Variants in B4GALNT3 observed in about 807,000 individuals in gnomAD.
The protein encoded by B4GALNT3 is beta-1,4-N-acetyl-galactosaminyltransferase 3, also known as beta-1,4-N-acetylgalactosaminyltransferase 3.
A neutral mutation model predicts 120.2 loss-of-function variants in B4GALNT3; 86 were observed. The ratio of observed to expected loss-of-function variants is 0.72; its 90% CI spans 0.60 to 0.86. B4GALNT3 has a LOEUF of 0.86. Among genes scored for constraint, B4GALNT3 ranks in the 40% least tolerant of loss-of-function variants. The pLI is 0.00. For missense variants in B4GALNT3, 1,167 were observed against 1,298.9 expected, an observed-to-expected ratio of 0.90 and a Z score of 1.56; for synonymous variants, 518 against 510.4, an observed-to-expected ratio of 1.01 and a Z score of -0.20.
At chr12:481,079 C>T (rs909066465) in intron 1 of B4GALNT3, among the ~76,000 whole-genome samples, 3 of 152,188 alleles carry the variant, frequency 2.0e-5, no homozygotes, top group East Asian at 1.9e-4. Context: ...GACCATCAGA[C>T]GCTGAGGGAA....
intron 7 of B4GALNT3, 155 bp downstream of exon 7, chr12:546,868 G>A (rs764520576): frequency 7.8e-4 from 538 of 691,768 alleles, no homozygotes; most frequent in Non-Finnish European, 1.1e-3. Context: ...CAGAAGCCGC[G>A]AGCCCATCCG....
chr12:556,675 C>G lies in B4GALNT3; in HGVS notation c.2189C>G (p.Ser730Cys). ...QRVVRLSEYV[S>C]ARGWQGIDPA... ...GTGGTGCGGCTCTCGGAGTATGTGT[C>G]TGCACGAGGCTGGCAGGGCATCGAT... The change falls in exon 15 of 20, where the codon TCT becomes TGT. Residue 730 changes from serine (S) to cysteine (C), a missense_variant. Physicochemically the swap from Ser to Cys is moderately radical, Grantham distance 112. Transcript: ENST00000266383. 1 of 1,613,976 alleles carries G rather than the reference C, an allele frequency of 6.2e-7. No individual in the cohort carries two copies. Among genetic ancestry groups the G allele is most frequent in the East Asian group, 2.2e-5 (1 of 44,892 alleles).
At chr12:489,634 AAAGC>A (rs1252195473) in intron 1 of B4GALNT3, among the ~76,000 whole-genome samples, 3 of 152,246 alleles carry the variant, frequency 2.0e-5, no homozygotes, top group Non-Finnish European at 4.4e-5. Flanking sequence ...TAATAAAAAG[AAAGC>A]GGAAGAATAG....
chr12:562,952 G>A lies in B4GALNT3; in HGVS notation c.*1501G>A, dbSNP rs61916657. On this transcript the variant is annotated 3_prime_UTR_variant, in exon 20 of 20. Coordinates refer to ENST00000266383, the MANE Select transcript of B4GALNT3 (RefSeq NM_173593.4). This position sits in a 1 kb window ranked among gnomAD's most constrained non-coding sequence, Gnocchi z 5.2. ...CCACGGCACTGGAGCTGCAGGGTCT[G>A]CCTAGTGGGCTCTGCATTCCCCGAG... The A allele has an allele frequency of 0.23, 34,752 of 152,176 alleles. 4,747 individuals carry two copies. The highest frequency in any genetic ancestry group is 0.31 in the Non-Finnish European group (21,283 of 67,996). The allele number at this position is 152,176 out of a possible 1,614,324, so 9.4% of individuals were successfully genotyped here.
At chr12:553,004 G>C (rs565110250) in intron 13 of B4GALNT3, 190 bp from the exon 14 acceptor site, 1 of 738,480 alleles carries the variant, frequency 1.4e-6, no homozygotes, top group Non-Finnish European at 2.2e-6. Flanking sequence ...CCTTTATGCA[G>C]ATGAAGAAAC....
At position 557,628 on chromosome 12, in the gene B4GALNT3, G is replaced by A. The variant is rs750066028; in HGVS notation, c.2401G>A (p.Val801Ile). 2 of 1,611,342 alleles carry A rather than the reference G, an allele frequency of 1.2e-6. No homozygotes were observed. The highest frequency in any genetic ancestry group is 2.2e-5 in the South Asian group (2 of 90,704). The part of the protein sequence containing the change: ...VVPVKNQARW[V>I]QQFIKDMENL... ...GGTAGTGAAGAACCAGGCACGCTGG[G>A]TACAGCAATTCATCAAAGACATGGA... Residue 801 changes from valine (V) to isoleucine (I), a missense_variant, in exon 16 of 20, where the codon GTA (valine) becomes ATA (isoleucine). Val to Ile is a conservative substitution (Grantham distance 29). This residue lies in a region of B4GALNT3 where 983 missense variants were observed against 1,102.5 expected (regional missense o/e 0.89). Transcript: ENST00000266383.
intron 1 of B4GALNT3, among the ~76,000 whole-genome samples, chr12:517,241 G>A (rs772955549): frequency 3.3e-5 from 5 of 152,142 alleles, no homozygotes; most frequent in Admixed American, 2.0e-4. Context: ...GACAAATATC[G>A]GGGACTGACC....
intron 1 of B4GALNT3, among the ~76,000 whole-genome samples, chr12:481,130 A>T (rs747156838): frequency 1.4e-4 from 21 of 152,060 alleles, no homozygotes; most frequent in Non-Finnish European, 2.1e-4. Context: ...TGCCTCAGGG[A>T]GGGAGGGAGC....
At chr12:516,692 T>A (rs1946660073) in intron 1 of B4GALNT3, among the ~76,000 whole-genome samples, 1 of 152,080 alleles carries the variant, frequency 6.6e-6, no homozygotes, top group Non-Finnish European at 1.5e-5. Flanking sequence ...GATCTTGGAT[T>A]GTATTTGAGT....
At position 558,667 on chromosome 12, in the gene B4GALNT3, C is replaced by T. The variant is rs765378454; in HGVS notation, c.2761+6C>T. ...CACCCCCCAGTGGCCTGAGGGTGAG[C>T]CCTGCTCAGACTGGGGAGGGAGGAA... On this transcript the variant is annotated splice_donor_region_variant and intron_variant, in intron 18 of 19. Coordinates refer to ENST00000266383, the MANE Select transcript of B4GALNT3 (RefSeq NM_173593.4). The T allele has an allele frequency of 2.5e-6, 4 of 1,613,472 alleles. No homozygotes were observed. The highest frequency in any genetic ancestry group is 1.1e-5 in the South Asian group (1 of 91,066).
intron 1 of B4GALNT3, among the ~76,000 whole-genome samples, chr12:485,114 G>A (rs1409009724): frequency 2.6e-5 from 4 of 152,214 alleles, no homozygotes; most frequent in African/African-American, 9.7e-5. Context: ...GGAAGACGTG[G>A]TGTTGGAGGT....
At chr12:493,799 T>C (rs945772517) in intron 1 of B4GALNT3, among the ~76,000 whole-genome samples, 3 of 152,100 alleles carry the variant, frequency 2.0e-5, no homozygotes, top group Non-Finnish European at 4.4e-5. Context: ...TTAAAAAAAA[T>C]GAAAAGTAAC....
Position 557,781 on chromosome 12 carries a change from A to C in B4GALNT3, c.2534+20A>C. The C allele has an allele frequency of 6.3e-7, 1 of 1,591,382 alleles. No individual in the cohort carries two copies. Among genetic ancestry groups the C allele is most frequent in the South Asian group, 1.1e-5 (1 of 88,124 alleles). ...GCGGAGGTGAGGGGGACCACCAGCC[A>C]GGGGGTGGCATGGGCCACGTCCATC... On this transcript the variant is annotated intron_variant, in intron 16 of 19. Transcript: ENST00000266383.
At chr12:466,349 G>A (rs900701139) in intron 1 of B4GALNT3, among the ~76,000 whole-genome samples, 32 of 152,166 alleles carry the variant, frequency 2.1e-4, no homozygotes, top group Non-Finnish European at 3.8e-4. Flanking sequence ...GGGTCCTAGA[G>A]GCTGTTCTTG....
chr12:489,534 T>C (rs978376646), intron 1 of B4GALNT3, among the ~76,000 whole-genome samples: 1 of 152,174 alleles, frequency 6.6e-6, no homozygotes, highest in African/African-American at 2.4e-5. Context: ...AAAACCCAAC[T>C]GTATATTTTC....
chr12:555,103 G>A (rs990612808), intron 14 of B4GALNT3, among the ~76,000 whole-genome samples: 4 of 151,792 alleles, frequency 2.6e-5, no homozygotes, highest in South Asian at 2.1e-4. Context: ...ACTTGAACCC[G>A]GGAGGTGGAG....
intron 15 of B4GALNT3, 125 bp downstream of exon 15, chr12:556,991 G>A: frequency 2.0e-6 from 2 of 1,019,522 alleles, no homozygotes; most frequent in Non-Finnish European, 2.8e-6. Context: ...TTATAGTTGA[G>A]GAAACTGAGG....
In B4GALNT3 at chr12:511,462, C is replaced by CCTT. The variant is rs1173226296; in HGVS notation, c.170-23702_170-23700dup. On this transcript the variant is annotated intron_variant, in intron 1 of 19. Transcript: ENST00000266383. ...ACCTTCCACCTTCCACCTTCTTCCA[C>CCTT]CTTCCACCTTCTTCCACCTTCTTCC... Among the ~76,000 whole-genome samples, 14 of 97,172 alleles carry CCTT rather than the reference C, an allele frequency of 1.4e-4. 1 individual carries two copies. Among genetic ancestry groups the CCTT allele is most frequent in the South Asian group, 9.2e-4 (2 of 2,182 alleles). 63.7% of individuals were successfully genotyped at this position (97,172 alleles called of 152,430 possible).
rs919770545 is a variant in B4GALNT3 at position 548,087 on chromosome 12, C to T, written c.771C>T (p.Asp257=). The change falls in exon 8 of 20, where the codon GAC becomes GAT. Residue 257 remains aspartate, a synonymous_variant. Coordinates refer to ENST00000266383, the MANE Select transcript of B4GALNT3 (RefSeq NM_173593.4). This position sits in a 1 kb window ranked among gnomAD's most constrained non-coding sequence, Gnocchi z 4.9. ...ACAAGCAGAATGAGGAGGGCACCGA[C>T]CACGTGGAAGTTGCAGTGAGTTTCC... The part of the protein sequence containing the change: ...VLHKQNEEGT[D]HVEVAWRRND... 2 of 1,613,862 alleles carry T rather than the reference C, an allele frequency of 1.2e-6. No homozygotes were observed. Among genetic ancestry groups the T allele is most frequent in the East Asian group, 2.2e-5 (1 of 44,898 alleles).
Sources: gnomAD v4.1 joint callset for allele counts (sites outside exome capture counted in the v4.1 genomes callset) on GRCh38, gnomAD v4.1.1 for gene constraint, gnomAD v4.1.1 regional missense constraint, Gnocchi (gnomAD v3.1) non-coding constraint, MANE v1.5 for transcripts, NCBI Gene and HGNC (gene_info 2026-07-23, HGNC 2026-07-21) for gene names.